The following ATG9A variants were observed in gnomAD, a reference collection of about 807,000 sequenced individuals.
ATG9A encodes autophagy-related protein 9A.
ATG9A carries 21 observed loss-of-function variants against 87.1 expected under a neutral mutation model. That is an observed-to-expected ratio of 0.24 (90% CI 0.17 to 0.35). The LOEUF is 0.35. ATG9A is among the 10% of genes least tolerant of loss of function. ATG9A has a pLI of 1.00. For synonymous variants in ATG9A, 422 were observed against 441.3 expected (o/e 0.96, Z 0.55); for missense variants, 836 against 1,107.3 (o/e 0.76, Z 3.48).
In ATG9A at chr2:219,220,108, T is replaced by A; in HGVS notation, c.*339A>T. ...CACAGGTTCTCCCTGCTTGGCAGCT[T>A]CTATCGTGGGCAGCCCTCTGGGGAC... On this transcript the variant is annotated 3_prime_UTR_variant, in exon 16 of 16. Coordinates refer to ENST00000361242, the MANE Select transcript of ATG9A (RefSeq NM_001077198.3). 1 of 338,682 alleles carries A rather than the reference T, an allele frequency of 3.0e-6. No homozygotes were observed. Among genetic ancestry groups the A allele is most frequent in the Non-Finnish European group, 5.5e-6 (1 of 182,766 alleles). The allele number at this position is 338,682 out of a possible 1,614,324, so 21.0% of individuals were successfully genotyped here.
rs1950752990 is a variant in ATG9A, at chr2:219,221,237, C to T, written c.2211G>A (p.Glu737=). The T allele has an allele frequency of 6.3e-7, 1 of 1,583,496 alleles. No homozygotes were observed. Among genetic ancestry groups the T allele is most frequent in the Non-Finnish European group, 8.6e-7 (1 of 1,165,584 alleles). ...CTTCATCAGGGGCGCTTTCTCCACT[C>T]TCATCACTCTCCCGGCGGTGCCATA... ...RHVWHRRESD[E]SGESAPDEGG... is the part of the protein sequence containing the mutation. Residue 737 remains glutamate (E), a synonymous_variant, in exon 14 of 16, where the codon GAG becomes GAA. Coordinates refer to ENST00000361242, the MANE Select transcript of ATG9A (RefSeq NM_001077198.3).
Position 219,225,463 on chromosome 2 carries a change from C to T in ATG9A, c.322G>A (p.Val108Ile), listed in dbSNP as rs117094218. The change falls in exon 6 of 16, where the codon GTC (valine) becomes ATC (isoleucine). Residue 108 changes from valine (V) to isoleucine (I), a missense_variant. Transcript: ENST00000361242. ...AAGGCGTCTGGCAGAGTGACCTTGA[C>T]GGGTTCAGTAGGGTGAAGACTGTGG... is the stretch of plus-strand genomic sequence containing the variant. The part of the protein sequence containing the change: ...VNHSLHPTEP[V>I]KVTLPDAFLP... 2.5e-5 allele frequency: 40 copies of T among 1,614,152 alleles called. No homozygotes were observed. Among genetic ancestry groups the T allele is most frequent in the African/African-American group, 5.3e-5 (4 of 75,028 alleles).
Position 219,220,109 on chromosome 2 carries a change from C to A in ATG9A, c.*338G>T. On this transcript the variant is annotated 3_prime_UTR_variant, in exon 16 of 16. Coordinates refer to ENST00000361242, the MANE Select transcript of ATG9A (RefSeq NM_001077198.3). ...ACAGGTTCTCCCTGCTTGGCAGCTT[C>A]TATCGTGGGCAGCCCTCTGGGGACT... The A allele has an allele frequency of 2.9e-6, 1 of 343,172 alleles. No homozygotes were observed. The highest frequency in any genetic ancestry group is 5.4e-6 in the Non-Finnish European group (1 of 185,532). The allele number at this position is 343,172 out of a possible 1,614,324, so 21.3% of individuals were successfully genotyped here. A position where few individuals can be genotyped will look rare whatever the true frequency, so the allele number is the denominator to read the frequency against.
intron 5 of ATG9A, among the ~76,000 whole-genome samples, chr2:219,226,485 G>T (rs1433771286): frequency 6.6e-6 from 1 of 151,968 alleles, no homozygotes; most frequent in East Asian, 1.9e-4. Context: ...AGGAGTTCGA[G>T]ACCAGCCTGG....
rs974293122 is a variant in ATG9A at position 219,229,379 on chromosome 2, C to G, written c.-82+156G>C. 1 of 151,626 alleles carries G rather than the reference C, an allele frequency of 6.6e-6. No individual in the cohort carries two copies. Among genetic ancestry groups the G allele is most frequent in the African/African-American group, 2.4e-5 (1 of 41,274 alleles). The allele number at this position is 151,626 out of a possible 1,614,324, so 9.4% of individuals were successfully genotyped here. On this transcript the variant is annotated intron_variant, in intron 1 of 15. Transcript: ENST00000361242. The surrounding 1 kb of genome is among the most constrained non-coding windows in gnomAD (Gnocchi z 4.2). Reference sequence around the variant, plus strand: ...GCCCGCGCGCGCCCCCGTCTGCGCGCGCCAGCAATCAAAACATTCCGGCTG... The same window carrying G: ...GCCCGCGCGCGCCCCCGTCTGCGCGGGCCAGCAATCAAAACATTCCGGCTG...
Position 219,224,085 on chromosome 2 carries a change from C to A in ATG9A, c.1265+21G>T, listed in dbSNP as rs1252210090. 1.2e-6 allele frequency: 2 copies of A among 1,609,376 alleles called. No homozygotes were observed. The highest frequency in any genetic ancestry group is 1.1e-5 in the South Asian group (1 of 90,704). Reference sequence around the variant, plus strand: ...CCCAGGAATGCTAGCCGGCTTGCTCCCGCCTGTGGCCCTGGCCCACCTGCA... The same window carrying A: ...CCCAGGAATGCTAGCCGGCTTGCTCACGCCTGTGGCCCTGGCCCACCTGCA... On this transcript the variant is annotated intron_variant, in intron 8 of 15. Coordinates refer to ENST00000361242, the MANE Select transcript of ATG9A (RefSeq NM_001077198.3). The surrounding 1 kb of genome is among the most constrained non-coding windows in gnomAD (Gnocchi z 7.7).
At chr2:219,225,974 A>G (rs1052539706) in intron 5 of ATG9A, among the ~76,000 whole-genome samples, 8 of 152,232 alleles carry the variant, frequency 5.3e-5, no homozygotes, top group African/African-American at 1.9e-4. Flanking sequence ...TCTCTCTCCC[A>G]GGAGGCTCTC....
Position 219,219,493 on chromosome 2 carries a change from T to G in ATG9A, c.*954A>C, listed in dbSNP as rs1950708959. On this transcript the variant is annotated 3_prime_UTR_variant, in exon 16 of 16. Transcript: ENST00000361242. ...CACTCTCCCAAAGCCGGACCACAGC[T>G]GGGTGAGGGGTGGGACAGAGAGTAG... 1 of 152,692 alleles carries G rather than the reference T, an allele frequency of 6.5e-6. No individual in the cohort carries two copies. The highest frequency in any genetic ancestry group is 2.1e-4 in the South Asian group (1 of 4,842). The allele number at this position is 152,692 out of a possible 1,614,324, so 9.5% of individuals were successfully genotyped here.
At chr2:219,227,256 G>A (rs1271419651) in intron 4 of ATG9A, among the ~76,000 whole-genome samples, 2 of 152,076 alleles carry the variant, frequency 1.3e-5, no homozygotes, top group East Asian at 1.9e-4. Flanking sequence ...GGTGGCTCAC[G>A]CCTGTAATCC....
chr2:219,223,535 G>A lies in ATG9A; in HGVS notation c.1599+50C>T, dbSNP rs1236622006. On this transcript the variant is annotated intron_variant, in intron 10 of 15. Transcript: ENST00000361242. The surrounding 1 kb of genome is among the most constrained non-coding windows in gnomAD (Gnocchi z 4.7). Reference sequence around the variant, plus strand: ...TTTTTGCGGTTTTCCCAAAGACACTGTATGTTCCAGCATCATCCCAGGCCA... The same window carrying A: ...TTTTTGCGGTTTTCCCAAAGACACTATATGTTCCAGCATCATCCCAGGCCA... 6.5e-7 allele frequency: 1 copy of A among 1,539,466 alleles called. No individual in the cohort carries two copies. Among genetic ancestry groups the A allele is most frequent in the Non-Finnish European group, 8.8e-7 (1 of 1,142,802 alleles).
intron 4 of ATG9A, among the ~76,000 whole-genome samples, chr2:219,227,494 A>G (rs1950885475): frequency 6.8e-6 from 1 of 147,426 alleles, no homozygotes; most frequent in South Asian, 2.2e-4. Flanking sequence ...TAGCAGCAAC[A>G]GAGACAGACT....
At chr2:219,228,206 C>G (rs909831628) in intron 2 of ATG9A, 153 bp from the exon 3 acceptor site, 9 of 589,458 alleles carry the variant, frequency 1.5e-5, no homozygotes, top group Non-Finnish European at 2.7e-5. Flanking sequence ...ACAAGAAAGG[C>G]AGTAAGCTCA....
chr2:219,226,088 C>G (rs1015355293), intron 5 of ATG9A, among the ~76,000 whole-genome samples: 5 of 152,026 alleles, frequency 3.3e-5, no homozygotes, highest in Non-Finnish European at 5.9e-5. Flanking sequence ...TCCATTGGAG[C>G]GTTGAGATGA....
At position 219,222,570 on chromosome 2, in the gene ATG9A, C is replaced by G. The variant is rs998467504; in HGVS notation, c.1848+75G>C. The G allele has an allele frequency of 2.5e-6, 4 of 1,596,958 alleles. No homozygotes were observed. Among genetic ancestry groups the G allele is most frequent in the Admixed American group, 1.7e-5 (1 of 59,434 alleles). ...TGAAGAGACAGCAGGAAGCCTTCCA[C>G]CCCATGCCCGGTCCCTCAACTCCCA... On this transcript the variant is annotated intron_variant, in intron 11 of 15. Transcript: ENST00000361242. The surrounding 1 kb of genome is among the most constrained non-coding windows in gnomAD (Gnocchi z 4.3).
chr2:219,228,822 AAG>A (rs1372810573), intron 1 of ATG9A: 2 of 152,364 alleles, frequency 1.3e-5, no homozygotes, highest in Admixed American at 6.5e-5. Flanking sequence ...ACAAAACCTC[AAG>A]AGTCTTTCCT....
chr2:219,220,640 G>T, intron 15 of ATG9A, 107 bp downstream of exon 15: 1 of 1,506,504 alleles, frequency 6.6e-7, no homozygotes, highest in Non-Finnish European at 9.1e-7. Flanking sequence ...GGAGGGTACA[G>T]TATCTCTGTG....
In ATG9A at chr2:219,225,094, G is replaced by T. The variant is rs150247832; in HGVS notation, c.493C>A (p.Leu165Met). The T allele has an allele frequency of 6.2e-7, 1 of 1,614,202 alleles. No homozygotes were observed. Among genetic ancestry groups the T allele is most frequent in the African/African-American group, 1.3e-5 (1 of 75,060 alleles). Residue 165 changes from leucine to methionine, a missense_variant, in exon 7 of 16, where the codon CTG (leucine) becomes ATG (methionine). Transcript: ENST00000361242. ...CCYWEIHSFY[L>M]HALRIPMSAL... ...ACCATAGGGATGCGCAGAGCGTGCA[G>T]GTAGAAGGAGTGGATCTCCCAGTAG...
chr2:219,222,579 C>A lies in ATG9A; in HGVS notation c.1848+66G>T. The A allele has an allele frequency of 6.2e-7, 1 of 1,601,600 alleles. No individual in the cohort carries two copies. ...AGCAGGAAGCCTTCCACCCCATGCC[C>A]GGTCCCTCAACTCCCAGCTCCTGAA... On this transcript the variant is annotated intron_variant, in intron 11 of 15. Transcript: ENST00000361242. This position sits in a 1 kb window ranked among gnomAD's most constrained non-coding sequence, Gnocchi z 4.3.
At position 219,224,282 on chromosome 2, in the gene ATG9A, C is replaced by G; in HGVS notation, c.1089G>C (p.Lys363Asn). ...RLNRGYKPASKYMNCFLSPLL... is the reference protein window; with the variant it reads ...RLNRGYKPASNYMNCFLSPLL... Reference sequence around the variant, plus strand: ...GAGGTGACAAGAAGCAATTCATGTACTTGGAGGCGGGCTTGTAGCCACGGT... The same window carrying G: ...GAGGTGACAAGAAGCAATTCATGTAGTTGGAGGCGGGCTTGTAGCCACGGT... The change falls in exon 8 of 16, where the codon AAG becomes AAC. Residue 363 changes from lysine to asparagine, a missense_variant. Lys to Asn is a moderately conservative substitution (Grantham distance 94). Transcript: ENST00000361242. The surrounding 1 kb of genome is among the most constrained non-coding windows in gnomAD (Gnocchi z 7.7). 1 of 1,614,020 alleles carries G rather than the reference C, an allele frequency of 6.2e-7. No individual in the cohort carries two copies. Among genetic ancestry groups the G allele is most frequent in the Non-Finnish European group, 8.5e-7 (1 of 1,180,050 alleles).
Sources: gnomAD v4.1 joint callset for allele counts (sites outside exome capture counted in the v4.1 genomes callset) on GRCh38, gnomAD v4.1.1 for gene constraint, Gnocchi (gnomAD v3.1) non-coding constraint, MANE v1.5 for transcripts, NCBI Gene and HGNC (gene_info 2026-07-23, HGNC 2026-07-21) for gene names.